FAM178B: variants seen among roughly 807,000 people sequenced by gnomAD.
FAM178B encodes protein FAM178B.
Under a neutral mutation model 91.7 loss-of-function variants are expected in FAM178B, and 82 were observed. The observed-to-expected ratio is 0.89, with a 90% confidence interval of 0.75 to 1.07. FAM178B has a LOEUF of 1.07. FAM178B is among the 50% of genes least tolerant of loss of function. The probability of loss-of-function intolerance (pLI) is 0.00; values close to 1 mark genes in which losing one functional copy is unlikely to be tolerated. For synonymous variants in FAM178B, 368 were observed against 359.4 expected, an observed-to-expected ratio of 1.02 and a Z score of -0.27; for missense variants, 769 against 846.7, an observed-to-expected ratio of 0.91 and a Z score of 1.14.
chr2:96,877,647 AGTCTCC>A (rs1489592811), intron 16 of FAM178B: 1 of 500,786 alleles, frequency 2.0e-6, no homozygotes, highest in African/African-American at 1.9e-5. Flanking sequence ...CGCCCGCCTC[AGTCTCC>A]CAAAGTGCTG....
chr2:96,902,667 T>C lies in FAM178B; in HGVS notation c.1603A>G (p.Met535Val). The change falls in exon 13 of 17, where the codon ATG (methionine) becomes GTG (valine). Residue 535 changes from methionine to valine, a missense_variant. Transcript: ENST00000490605. ...GGGAGCATCTCCTGCTGGCCCAGCA[T>C]TCGAGCAATGACCACAAGGCTGAGC... ...SQLSLVVIARMLGQQEMLPLW... is the reference protein window; with the variant it reads ...SQLSLVVIARVLGQQEMLPLW... 1 of 1,550,780 alleles carries C rather than the reference T, an allele frequency of 6.4e-7. No homozygotes were observed. The highest frequency in any genetic ancestry group is 8.7e-7 in the Non-Finnish European group (1 of 1,146,550).
At position 96,923,513 on chromosome 2, in the gene FAM178B, T is replaced by C. The variant is rs767943584; in HGVS notation, c.1264A>G (p.Ile422Val). Residue 422 changes from isoleucine (I) to valine (V), a missense_variant, in exon 10 of 17, where the codon ATC becomes GTC. Ile to Val is a conservative substitution (Grantham distance 29, BLOSUM62 3). Transcript: ENST00000490605. Reference protein sequence around the residue: ...QDAPQEIALDISLGHIYKFLA... With the variant: ...QDAPQEIALDVSLGHIYKFLA... ...ACCTTGTAGATGTGGCCCAGGCTGATGTCCAAGGCAATCTCTTGGGGAGCG... is the reference window on the plus strand; with the variant it reads ...ACCTTGTAGATGTGGCCCAGGCTGACGTCCAAGGCAATCTCTTGGGGAGCG... 3.6e-5 allele frequency: 56 copies of C among 1,551,506 alleles called. No homozygotes were observed. The highest frequency in any genetic ancestry group is 1.2e-4 in the Admixed American group (6 of 50,980).
At chr2:96,972,712 G>C in intron 1 of FAM178B, 106 bp from the exon 2 acceptor site, 1 of 1,026,112 alleles carries the variant, frequency 9.7e-7, no homozygotes, top group Non-Finnish European at 1.4e-6. Flanking sequence ...GTGCCCAAGA[G>C]GGTCCGCCCT....
chr2:96,937,626 C>G (rs893790624), intron 8 of FAM178B, among the ~76,000 whole-genome samples: 1 of 152,212 alleles, frequency 6.6e-6, no homozygotes, highest in African/African-American at 2.4e-5. Context: ...AGGACACAGA[C>G]GTCATACTTT....
intron 14 of FAM178B, among the ~76,000 whole-genome samples, chr2:96,886,337 C>T (rs2080519505): frequency 6.6e-6 from 1 of 152,246 alleles, no homozygotes; most frequent in Admixed American, 6.5e-5. Flanking sequence ...TGACCCAAAC[C>T]AAGCCAATGA....
intron 14 of FAM178B, among the ~76,000 whole-genome samples, chr2:96,891,644 A>T (rs1312436224): frequency 1.3e-5 from 2 of 152,210 alleles, no homozygotes; most frequent in Non-Finnish European, 2.9e-5. Flanking sequence ...GAGGAGAGAA[A>T]GTTGTGCCCT....
intron 1 of FAM178B, among the ~76,000 whole-genome samples, chr2:96,985,615 G>C (rs1405878061): frequency 6.6e-6 from 1 of 152,198 alleles, no homozygotes; most frequent in Non-Finnish European, 1.5e-5. Flanking sequence ...TTTGGGCCCT[G>C]ATGTCAAAAG....
Position 96,876,142 on chromosome 2 carries a change from G to A in FAM178B, c.*134C>T, listed in dbSNP as rs565215732. 9 of 878,794 alleles carry A rather than the reference G, an allele frequency of 1.0e-5. No homozygotes were observed. The East Asian group carries it at 1.1e-4, about 10-fold the overall frequency. The allele number at this position is 878,794 out of a possible 1,614,324, so 54.4% of individuals were successfully genotyped here. ...AGGAGAGGGGTCGGGGCGGTGGCAG[G>A]GGCAGGCTCTTGCCTCATCAGGCTG... On this transcript the variant is annotated 3_prime_UTR_variant, in exon 17 of 17. Coordinates refer to ENST00000490605, the MANE Select transcript of FAM178B (RefSeq NM_001122646.3).
chr2:96,921,485 G>A lies in FAM178B; in HGVS notation c.1457C>T (p.Pro486Leu). The A allele has an allele frequency of 1.3e-6, 2 of 1,551,606 alleles. No homozygotes were observed. The highest frequency in any genetic ancestry group is 1.7e-6 in the Non-Finnish European group (2 of 1,146,962). Residue 486 changes from proline to leucine, a missense_variant, in exon 11 of 17, where the codon CCA becomes CTA. Pro to Leu is a moderately conservative substitution (Grantham distance 98, BLOSUM62 -3). Transcript: ENST00000490605. Reference sequence around the variant, plus strand: ...GCTCTGGGCGTCTAGTACCTTCCCTGGCCACTCCCGGATGTTCTCCAGGAG... The same window carrying A: ...GCTCTGGGCGTCTAGTACCTTCCCTAGCCACTCCCGGATGTTCTCCAGGAG... ...LLLLENIREW[P>L]GKLQELCCTL...
chr2:96,957,172 C>A (rs2082011182), intron 6 of FAM178B, among the ~76,000 whole-genome samples: 1 of 152,124 alleles, frequency 6.6e-6, no homozygotes, highest in South Asian at 2.1e-4. Flanking sequence ...TTAAGAGATC[C>A]CCTTGTCACC....
At chr2:96,943,166 A>T (rs1282945994) in intron 8 of FAM178B, among the ~76,000 whole-genome samples, 2 of 152,238 alleles carry the variant, frequency 1.3e-5, no homozygotes, top group African/African-American at 4.8e-5. Flanking sequence ...AAAATTTTGT[A>T]CATCAAAGGA....
At chr2:96,938,273 C>T (rs1231477956) in intron 8 of FAM178B, among the ~76,000 whole-genome samples, 2 of 152,202 alleles carry the variant, frequency 1.3e-5, no homozygotes, top group Non-Finnish European at 2.9e-5. Context: ...ATGACAGGTA[C>T]TGTCCTAAGG....
chr2:96,986,035 G>A (rs2082418463), intron 1 of FAM178B, among the ~76,000 whole-genome samples: 1 of 152,222 alleles, frequency 6.6e-6, no homozygotes, highest in South Asian at 2.1e-4. Flanking sequence ...GGCCGGCCGC[G>A]CAGTGGCCTG....
intron 13 of FAM178B, among the ~76,000 whole-genome samples, chr2:96,899,017 G>C (rs1331894514): frequency 6.6e-6 from 1 of 152,212 alleles, no homozygotes; most frequent in Non-Finnish European, 1.5e-5. Context: ...CCCTTTGAAG[G>C]AGTGTTTCAG....
chr2:96,906,202 TTC>T (rs1382739006), intron 12 of FAM178B, among the ~76,000 whole-genome samples: 2 of 143,894 alleles, frequency 1.4e-5, no homozygotes, highest in Non-Finnish European at 3.1e-5. Flanking sequence ...TTCTTTTTCT[TTC>T]TTTTTTTTTT....
At chr2:96,967,255 TG>T (rs1173462608) in intron 5 of FAM178B, among the ~76,000 whole-genome samples, 8 of 152,370 alleles carry the variant, frequency 5.3e-5, no homozygotes, top group Non-Finnish European at 8.8e-5. Flanking sequence ...TCTAAGAATT[TG>T]GGCAGATAAT....
chr2:96,965,773 A>C (rs1053513379), intron 5 of FAM178B, among the ~76,000 whole-genome samples: 2 of 151,692 alleles, frequency 1.3e-5, no homozygotes, highest in African/African-American at 4.8e-5. Context: ...AGCCTCCCCC[A>C]ATTTATTTAA....
chr2:96,966,874 G>C (rs980412412), intron 5 of FAM178B, among the ~76,000 whole-genome samples: 2 of 152,064 alleles, frequency 1.3e-5, no homozygotes, highest in African/African-American at 4.8e-5. Context: ...CTCTCACCAG[G>C]ACCGACCCTG....
In FAM178B at chr2:96,921,641, C is replaced by T. The variant is rs774943946; in HGVS notation, c.1301G>A (p.Cys434Tyr). ...LGHIYKFLAL[C>Y]AQAQPGAYTD... is the part of the protein sequence containing the mutation. ...GTAGGCCCCCGGCTGGGCCTGGGCA[C>T]ACAGCGCCAGAAACTGGAGAGAGAA... The change falls in exon 11 of 17, where the codon TGT becomes TAT. Residue 434 changes from cysteine (C) to tyrosine (Y), a missense_variant. By Grantham distance (194) the Cys-to-Tyr change is radical (BLOSUM62 -2). Transcript: ENST00000490605. The T allele has an allele frequency of 6.4e-7, 1 of 1,551,458 alleles. No individual in the cohort carries two copies.
Sources: allele counts gnomAD v4.1 joint callset (sites outside exome capture counted in the v4.1 genomes callset), GRCh38; gene constraint gnomAD v4.1.1; transcripts MANE v1.5; gene names NCBI Gene and HGNC (gene_info 2026-07-23, HGNC 2026-07-21).